Variants in LRRIQ3 observed in about 807,000 individuals in gnomAD.
LRRIQ3 encodes leucine rich repeats and IQ motif containing 3.
Under a neutral mutation model 59.3 loss-of-function variants are expected in LRRIQ3, and 75 were observed. The ratio of observed to expected loss-of-function variants is 1.26; its 90% CI spans 1.05 to 1.53. LRRIQ3 has a LOEUF of 1.53. LRRIQ3 is among the 40% of genes most tolerant of loss of function. LRRIQ3 has a pLI of 0.00. For missense variants in LRRIQ3, 831 were observed against 710.0 expected (o/e 1.17, Z -1.94); for synonymous variants, 250 against 231.3 (o/e 1.08, Z -0.73).
intron 5 of LRRIQ3, among the ~76,000 whole-genome samples, chr1:74,099,437 C>A (rs1646498726): frequency 6.6e-6 from 1 of 152,076 alleles, no homozygotes; most frequent in Non-Finnish European, 1.5e-5. Context: ...CAAAAAATGT[C>A]AAGGACTAGA....
intron 6 of LRRIQ3, among the ~76,000 whole-genome samples, chr1:74,053,237 A>G (rs1280862489): frequency 6.6e-6 from 1 of 151,888 alleles, no homozygotes; most frequent in Non-Finnish European, 1.5e-5. Flanking sequence ...GACAAAAATC[A>G]GTTTGAAATG....
chr1:74,196,843 C>T (rs1391706976), intron 1 of LRRIQ3, among the ~76,000 whole-genome samples: 1 of 152,206 alleles, frequency 6.6e-6, no homozygotes, highest in Non-Finnish European at 1.5e-5. Flanking sequence ...CCAAAGAAGT[C>T]TCCCTGCTTC....
intron 3 of LRRIQ3, among the ~76,000 whole-genome samples, chr1:74,167,831 C>T (rs907984468): frequency 2.0e-5 from 3 of 151,884 alleles, no homozygotes; most frequent in Non-Finnish European, 2.9e-5. Flanking sequence ...CACACACACA[C>T]GAAAGAATTC....
intron 6 of LRRIQ3, among the ~76,000 whole-genome samples, chr1:74,070,685 G>A (rs927877806): frequency 3.3e-5 from 5 of 151,724 alleles, no homozygotes; most frequent in Non-Finnish European, 5.9e-5. Flanking sequence ...TGCATGTTTA[G>A]TAATAACTTA....
chr1:74,105,636 T>A (rs1334042263), intron 5 of LRRIQ3, among the ~76,000 whole-genome samples: 2 of 151,940 alleles, frequency 1.3e-5, no homozygotes, highest in African/African-American at 4.8e-5. Flanking sequence ...AAACAGCTCA[T>A]CAGATTTAAA....
intron 4 of LRRIQ3, among the ~76,000 whole-genome samples, chr1:74,139,389 T>G (rs1647191447): frequency 6.6e-6 from 1 of 151,752 alleles, no homozygotes; most frequent in Non-Finnish European, 1.5e-5. Context: ...ACCAAAATTT[T>G]TAGTGTCATC....
chr1:74,051,689 A>G (rs1429955937), intron 6 of LRRIQ3, among the ~76,000 whole-genome samples: 1 of 152,040 alleles, frequency 6.6e-6, no homozygotes, highest in African/African-American at 2.4e-5. Context: ...GCAACCACTA[A>G]TCTACTTTCT....
intron 6 of LRRIQ3, among the ~76,000 whole-genome samples, chr1:74,073,856 C>T (rs1275361426): frequency 4.6e-5 from 7 of 152,084 alleles, no homozygotes; most frequent in African/African-American, 1.7e-4. Context: ...TTTTATGATT[C>T]TTCTGTGAAA....
intron 5 of LRRIQ3, among the ~76,000 whole-genome samples, chr1:74,099,578 C>G (rs1164350242): frequency 6.6e-6 from 1 of 152,120 alleles, no homozygotes; most frequent in Non-Finnish European, 1.5e-5. Flanking sequence ...CATCCTGATA[C>G]CAAAGCCTAG....
chr1:74,150,298 A>G (rs1647847916), intron 4 of LRRIQ3, among the ~76,000 whole-genome samples: 1 of 152,180 alleles, frequency 6.6e-6, no homozygotes, highest in Non-Finnish European at 1.5e-5. Context: ...TTCTCACATA[A>G]AAAACAAAAC....
At chr1:74,173,787 G>A (rs550653160) in intron 3 of LRRIQ3, among the ~76,000 whole-genome samples, 5 of 152,148 alleles carry the variant, frequency 3.3e-5, no homozygotes, top group East Asian at 3.9e-4. Flanking sequence ...AGCACTTCTT[G>A]TAAGGTAGGC....
chr1:74,171,441 A>C (rs991965620), intron 3 of LRRIQ3, among the ~76,000 whole-genome samples: 2 of 152,212 alleles, frequency 1.3e-5, no homozygotes, highest in Non-Finnish European at 2.9e-5. Flanking sequence ...AATGTGGTGC[A>C]TCACATTGAT....
In LRRIQ3 at chr1:74,087,493, T is replaced by C. The variant is rs1646340970; in HGVS notation, c.868-12703A>G. 4.0e-5 allele frequency among the ~76,000 whole-genome samples: 6 copies of C among 150,906 alleles called. No individual in the cohort carries two copies. The Admixed American group carries it at 4.0e-4, about 10-fold the overall frequency. On this transcript the variant is annotated intron_variant, in intron 5 of 7. Transcript: ENST00000354431. ...CGTATTGGTCTCTATTTCATCTGTA[T>C]TCCTCTATTACCTCATCTAAAATGC...
chr1:74,139,048 A>G (rs1647178619), intron 4 of LRRIQ3, among the ~76,000 whole-genome samples: 1 of 150,414 alleles, frequency 6.6e-6, no homozygotes, highest in African/African-American at 2.5e-5. Context: ...CAAAAAATGT[A>G]TTTATGTGTA....
Position 74,089,989 on chromosome 1 carries a change from A to T in LRRIQ3, c.868-15199T>A, listed in dbSNP as rs1646377461. On this transcript the variant is annotated intron_variant, in intron 5 of 7. Coordinates refer to ENST00000354431, the MANE Select transcript of LRRIQ3 (RefSeq NM_001105659.2). ...GAAAATTATTATAATTTTTCAGGCA[A>T]TTTAGGATTCACATTTTCAAAAACT... Among the ~76,000 whole-genome samples, 4 of 152,206 alleles carry T rather than the reference A, an allele frequency of 2.6e-5. No homozygotes were observed. In the South Asian group the frequency reaches 8.3e-4, roughly 32 times the overall value.
intron 4 of LRRIQ3, among the ~76,000 whole-genome samples, chr1:74,110,368 A>G (rs1181200319): frequency 6.6e-6 from 1 of 151,996 alleles, no homozygotes; most frequent in African/African-American, 2.4e-5. Flanking sequence ...AATGTAAGCA[A>G]AGAATAATAA....
At chr1:74,045,932 A>G (rs557183344) in intron 6 of LRRIQ3, among the ~76,000 whole-genome samples, 30 of 152,324 alleles carry the variant, frequency 2.0e-4, no homozygotes, top group African/African-American at 6.5e-4. Context: ...GGAGAACTAC[A>G]AGCCACTGCT....
intron 3 of LRRIQ3, among the ~76,000 whole-genome samples, chr1:74,167,016 A>G (rs1649030026): frequency 6.6e-6 from 1 of 152,044 alleles, no homozygotes; most frequent in Non-Finnish European, 1.5e-5. Flanking sequence ...GTAAACTATT[A>G]CAACCACTAT....
In LRRIQ3 at chr1:74,107,132, C is replaced by A. The variant is rs1224765588; in HGVS notation, c.867+2262G>T. ...AAGTGAATGTAGCTTGAACTCACTC[C>A]TCTGTCTCTTCGCACTTTAGGTTCC... On this transcript the variant is annotated intron_variant, in intron 5 of 7. Coordinates refer to ENST00000354431, the MANE Select transcript of LRRIQ3 (RefSeq NM_001105659.2). Among the ~76,000 whole-genome samples the A allele has an allele frequency of 2.6e-5, 4 of 151,990 alleles. No homozygotes were observed. In the East Asian group the frequency reaches 7.7e-4, roughly 29 times the overall value.
Sources: gnomAD v4.1 joint callset for allele counts (sites outside exome capture counted in the v4.1 genomes callset) on GRCh38, gnomAD v4.1.1 for gene constraint, MANE v1.5 for transcripts, NCBI Gene and HGNC (gene_info 2026-07-23, HGNC 2026-07-21) for gene names.